The following IER5L variants were observed in gnomAD, a reference collection of about 807,000 sequenced individuals.
The protein encoded by IER5L is immediate early response gene 5-like protein.
IER5L carries 6 observed loss-of-function variants against 28.3 expected under a neutral mutation model. That is an observed-to-expected ratio of 0.21 (90% CI 0.12 to 0.42). The LOEUF (loss-of-function observed/expected upper bound fraction) is 0.42. Ranked by LOEUF, IER5L falls within the 10% of genes least tolerant of loss-of-function variation. The pLI, the probability that IER5L is intolerant of heterozygous loss-of-function variation, is 1.00. For missense variants in IER5L, 607 were observed against 575.2 expected, an observed-to-expected ratio of 1.06 and a Z score of -0.56; for synonymous variants, 351 against 282.5, an observed-to-expected ratio of 1.24 and a Z score of -2.43.
In IER5L at chr9:129,177,713, G is replaced by C. The variant is rs1218289885; in HGVS notation, c.340C>G (p.Leu114Val). 3 of 1,436,372 alleles carry C rather than the reference G, an allele frequency of 2.1e-6. No homozygotes were observed. Among genetic ancestry groups the C allele is most frequent in the Non-Finnish European group, 2.7e-6 (3 of 1,099,126 alleles). 89.0% of individuals were successfully genotyped at this position (1,436,372 alleles called of 1,614,324 possible). A position where few individuals can be genotyped will look rare whatever the true frequency, so the allele number is the denominator to read the frequency against. ...EPAARHQLHQ[L>V]HQLHQLHLQQ... ...AGGTGCAGCTGGTGGAGCTGGTGGA[G>C]CTGGTGCAGCTGGTGCCGGGCGGCC... Residue 114 changes from leucine (L) to valine (V), a missense_variant, in exon 1 of 1, where the codon CTC becomes GTC. By Grantham distance (32) the Leu-to-Val change is conservative. Coordinates refer to ENST00000372491, the MANE Select transcript of IER5L (RefSeq NM_203434.3).
At position 129,176,757 on chromosome 9, in the gene IER5L, T is replaced by TG. The variant is rs1829409091; in HGVS notation, c.*80_*81insC. 1 of 1,387,156 alleles carries TG rather than the reference T, an allele frequency of 7.2e-7. No individual in the cohort carries two copies. Among genetic ancestry groups the TG allele is most frequent in the Non-Finnish European group, 9.3e-7 (1 of 1,072,982 alleles). The allele number at this position is 1,387,156 out of a possible 1,614,324, so 85.9% of individuals were successfully genotyped here. ...CCCCGAGTGGCCCGGCGCCCGCTCG[T>TG]TCCCTCCTCTCGCCCCTTTGCCGAG... On this transcript the variant is annotated 3_prime_UTR_variant, in exon 1 of 1. Transcript: ENST00000372491.
Position 129,177,656 on chromosome 9 carries a change from C to CCGGGTG in IER5L, c.391_396dup (p.His131_Pro132dup). 7.7e-7 allele frequency: 1 copy of CCGGGTG among 1,304,122 alleles called. No individual in the cohort carries two copies. Among genetic ancestry groups the CCGGGTG allele is most frequent in the Non-Finnish European group, 9.7e-7 (1 of 1,028,716 alleles). 80.8% of individuals were successfully genotyped at this position (1,304,122 alleles called of 1,614,324 possible). A position where few individuals can be genotyped will look rare whatever the true frequency, so the allele number is the denominator to read the frequency against. ...GCCGCCGCCGCGCAGCCCCTGGGCGCCGGGTGCTGGTGCTGGTGCAGCTGC... is the reference window on the plus strand; with the variant it reads ...GCCGCCGCCGCGCAGCCCCTGGGCGCCGGGTGCGGGTGCTGGTGCTGGTGCAGCTGC... On this transcript the variant is annotated inframe_insertion, in exon 1 of 1. Coordinates refer to ENST00000372491, the MANE Select transcript of IER5L (RefSeq NM_203434.3).
Position 129,176,617 on chromosome 9 carries a change from T to TAG in IER5L, c.*220_*221insCT, listed in dbSNP as rs1829401103. ...GAGTAGGAGAAACACAAAGCATACT[T>TAG]AAATAGGCGCTTTTTCTCTCTGCAA... On this transcript the variant is annotated 3_prime_UTR_variant, in exon 1 of 1. Transcript: ENST00000372491. The TAG allele has an allele frequency of 1.1e-5, 6 of 535,896 alleles. No homozygotes were observed. 33.2% of individuals were successfully genotyped at this position (535,896 alleles called of 1,614,324 possible).
chr9:129,176,909 T>C lies in IER5L; in HGVS notation c.1144A>G (p.Asn382Asp). ...GCCTGCTTGGCGCACAGCTGCCCGT[T>C]GAGCGGCGGCGGCTGCTCCGAGGAG... ...PDSSEQPPPL[N>D]GQLCAKQALA... The change falls in exon 1 of 1, where the codon AAC (asparagine) becomes GAC (aspartate). Residue 382 changes from asparagine (N) to aspartate (D), a missense_variant. Asn to Asp is a conservative substitution (Grantham distance 23). Transcript: ENST00000372491. The C allele has an allele frequency of 6.2e-7, 1 of 1,605,246 alleles. No homozygotes were observed. The highest frequency in any genetic ancestry group is 8.5e-7 in the Non-Finnish European group (1 of 1,177,020).
rs1291952878 is a variant in IER5L, at chr9:129,177,693, C to G, written c.360G>C (p.Leu120=). Reference sequence around the variant, plus strand: ...GCTGGTGCAGCTGCTGCTGGAGGTGCAGCTGGTGGAGCTGGTGGAGCTGGT... The same window carrying G: ...GCTGGTGCAGCTGCTGCTGGAGGTGGAGCTGGTGGAGCTGGTGGAGCTGGT... ...QLHQLHQLHQ[L]HLQQQLHQHQ... is the part of the protein sequence containing the mutation. The change falls in exon 1 of 1, where the codon CTG becomes CTC. Residue 120 remains leucine, a synonymous_variant. Transcript: ENST00000372491. 7 of 1,421,270 alleles carry G rather than the reference C, an allele frequency of 4.9e-6. No homozygotes were observed. The African/African-American group carries it at 9.0e-5, about 18-fold the overall frequency. The allele number at this position is 1,421,270 out of a possible 1,614,324, so 88.0% of individuals were successfully genotyped here. A position where few individuals can be genotyped will look rare whatever the true frequency, so the allele number is the denominator to read the frequency against.
Position 129,176,759 on chromosome 9 carries a change from C to A in IER5L, c.*79G>T, listed in dbSNP as rs1256130303. ...CCGAGTGGCCCGGCGCCCGCTCGTT[C>A]CCTCCTCTCGCCCCTTTGCCGAGTC... On this transcript the variant is annotated 3_prime_UTR_variant, in exon 1 of 1. Transcript: ENST00000372491. The A allele has an allele frequency of 7.2e-7, 1 of 1,390,708 alleles. No individual in the cohort carries two copies. The highest frequency in any genetic ancestry group is 9.3e-7 in the Non-Finnish European group (1 of 1,074,776). The allele number at this position is 1,390,708 out of a possible 1,614,324, so 86.1% of individuals were successfully genotyped here. A position where few individuals can be genotyped will look rare whatever the true frequency, so the allele number is the denominator to read the frequency against.
rs752476324 is a variant in IER5L, at chr9:129,177,221, C to CGCA, written c.829_831dup (p.Cys277dup). ...CCACAGCAGGGGCAGTGGGCGGAGG[C>CGCA]GCAGCAGTCCTGGTGCAAGTAGCCG... On this transcript the variant is annotated inframe_insertion, in exon 1 of 1. Transcript: ENST00000372491. The CGCA allele has an allele frequency of 6.8e-6, 10 of 1,469,578 alleles. No individual in the cohort carries two copies. The allele number at this position is 1,469,578 out of a possible 1,614,324, so 91.0% of individuals were successfully genotyped here.
In IER5L at chr9:129,176,472, GGCCAGGGCGCCCTGCCTCGCCCCCGGCT is replaced by G. The variant is rs966585587; in HGVS notation, c.*338_*365del. 6.5e-6 allele frequency: 1 copy of G among 152,904 alleles called. No individual in the cohort carries two copies. Among genetic ancestry groups the G allele is most frequent in the African/African-American group, 2.4e-5 (1 of 41,136 alleles). 9.5% of individuals were successfully genotyped at this position (152,904 alleles called of 1,614,324 possible). On this transcript the variant is annotated 3_prime_UTR_variant, in exon 1 of 1. Transcript: ENST00000372491. ...AGCTGCGCCCCCGGCGCGCCCCGGC[GGCCAGGGCGCCCTGCCTCGCCCCCGGCT>G]GCCCGGCACCTCCTCCGGGCAGCAG...
chr9:129,177,532 G>A lies in IER5L; in HGVS notation c.521C>T (p.Pro174Leu), dbSNP rs1829431281. Reference protein sequence around the residue: ...PPHGAPHRGQPLEPLQPGPAP... With the variant: ...PPHGAPHRGQLLEPLQPGPAP... Reference sequence around the variant, plus strand: ...AGGACCCGGCTGCAGAGGCTCCAAGGGCTGCCCGCGGTGGGGCGCGCCGTG... The same window carrying A: ...AGGACCCGGCTGCAGAGGCTCCAAGAGCTGCCCGCGGTGGGGCGCGCCGTG... Residue 174 changes from proline (P) to leucine (L), a missense_variant, in exon 1 of 1, where the codon CCC becomes CTC. Coordinates refer to ENST00000372491, the MANE Select transcript of IER5L (RefSeq NM_203434.3). 1.0e-5 allele frequency: 10 copies of A among 983,564 alleles called. No homozygotes were observed. The highest frequency in any genetic ancestry group is 1.2e-5 in the Non-Finnish European group (10 of 830,194). The allele number at this position is 983,564 out of a possible 1,614,324, so 60.9% of individuals were successfully genotyped here.
In IER5L at chr9:129,175,789, G is replaced by A. The variant is rs1375251517; in HGVS notation, c.*1049C>T. The A allele has an allele frequency of 6.6e-6, 1 of 152,094 alleles. No homozygotes were observed. Among genetic ancestry groups the A allele is most frequent in the Non-Finnish European group, 1.5e-5 (1 of 68,038 alleles). The allele number at this position is 152,094 out of a possible 1,614,324, so 9.4% of individuals were successfully genotyped here. On this transcript the variant is annotated 3_prime_UTR_variant, in exon 1 of 1. Coordinates refer to ENST00000372491, the MANE Select transcript of IER5L (RefSeq NM_203434.3). The surrounding 1 kb of genome is among the most constrained non-coding windows in gnomAD (Gnocchi z 5.2). ...CTTTTAAATTAAACAAATCTATCGA[G>A]CTGAAGACACAGGACGGGGTTCTCA... is the stretch of plus-strand genomic sequence containing the variant.
At position 129,176,800 on chromosome 9, in the gene IER5L, CCCCGCGGGGCCCCGGGTCCCTGT is replaced by C; in HGVS notation, c.*15_*37del. 1 of 1,485,258 alleles carries C rather than the reference CCCCGCGGGGCCCCGGGTCCCTGT, an allele frequency of 6.7e-7. No individual in the cohort carries two copies. Among genetic ancestry groups the C allele is most frequent in the Non-Finnish European group, 8.9e-7 (1 of 1,122,844 alleles). 92.0% of individuals were successfully genotyped at this position (1,485,258 alleles called of 1,614,324 possible). On this transcript the variant is annotated 3_prime_UTR_variant, in exon 1 of 1. Transcript: ENST00000372491. The stretch of plus-strand genomic sequence containing the variant: ...TTGCCGAGTCTTTGTCTGGCCCCAG[CCCCGCGGGGCCCCGGGTCCCTGT>C]GCCCTCGGGGGTCCCTAGAAGGCGA...
Position 129,176,752 on chromosome 9 carries a change from G to A in IER5L, c.*86C>T, listed in dbSNP as rs1422571660. The A allele has an allele frequency of 1.1e-5, 15 of 1,379,258 alleles. No individual in the cohort carries two copies. The highest frequency in any genetic ancestry group is 1.3e-5 in the Non-Finnish European group (14 of 1,069,030). The allele number at this position is 1,379,258 out of a possible 1,614,324, so 85.4% of individuals were successfully genotyped here. On this transcript the variant is annotated 3_prime_UTR_variant, in exon 1 of 1. Coordinates refer to ENST00000372491, the MANE Select transcript of IER5L (RefSeq NM_203434.3). The stretch of plus-strand genomic sequence containing the variant: ...CTCAGCCCCGAGTGGCCCGGCGCCC[G>A]CTCGTTCCCTCCTCTCGCCCCTTTG...
At position 129,177,104 on chromosome 9, in the gene IER5L, C is replaced by G; in HGVS notation, c.949G>C (p.Asp317His). 6.9e-7 allele frequency: 1 copy of G among 1,459,854 alleles called. No homozygotes were observed. Among genetic ancestry groups the G allele is most frequent in the East Asian group, 2.7e-5 (1 of 37,286 alleles). The allele number at this position is 1,459,854 out of a possible 1,614,324, so 90.4% of individuals were successfully genotyped here. ...GGCTCGGCCCCCAGCCCGCCCGCATCCTCCTCGTCGTCTTCCTCCTCCTCC... is the reference window on the plus strand; with the variant it reads ...GGCTCGGCCCCCAGCCCGCCCGCATGCTCCTCGTCGTCTTCCTCCTCCTCC... ...GQEEEEDDEE[D>H]AGGLGAEPPG... is the part of the protein sequence containing the mutation. Residue 317 changes from aspartate to histidine, a missense_variant, in exon 1 of 1, where the codon GAT becomes CAT. Coordinates refer to ENST00000372491, the MANE Select transcript of IER5L (RefSeq NM_203434.3).
chr9:129,177,559 G>C lies in IER5L; in HGVS notation c.494C>G (p.Pro165Arg). ...ELPGCAALQPPHGAPHRGQPL... is the reference protein window; with the variant it reads ...ELPGCAALQPRHGAPHRGQPL... ...CTGCCCGCGGTGGGGCGCGCCGTGC[G>C]GCGGCTGGAGCGCGGCGCACCCGGG... Residue 165 changes from proline (P) to arginine (R), a missense_variant, in exon 1 of 1, where the codon CCG (proline) becomes CGG (arginine). By Grantham distance (103) the Pro-to-Arg change is moderately radical. Transcript: ENST00000372491. The C allele has an allele frequency of 1.0e-6, 1 of 981,398 alleles. No individual in the cohort carries two copies. The highest frequency in any genetic ancestry group is 1.2e-6 in the Non-Finnish European group (1 of 828,666). The allele number at this position is 981,398 out of a possible 1,614,324, so 60.8% of individuals were successfully genotyped here.
At position 129,178,035 on chromosome 9, in the gene IER5L, G is replaced by A. The variant is rs1829441896; in HGVS notation, c.18C>T (p.Asp6=). 10 of 1,511,914 alleles carry A rather than the reference G, an allele frequency of 6.6e-6. No homozygotes were observed. Among genetic ancestry groups the A allele is most frequent in the Non-Finnish European group, 8.0e-6 (9 of 1,128,104 alleles). 93.7% of individuals were successfully genotyped at this position (1,511,914 alleles called of 1,614,324 possible). A position where few individuals can be genotyped will look rare whatever the true frequency, so the allele number is the denominator to read the frequency against. The change falls in exon 1 of 1, where the codon GAC becomes GAT. Residue 6 remains aspartate, a synonymous_variant. Transcript: ENST00000372491. MECAL[D]AQSLISISLR... ...GGGAGATGCTGATCAGGCTCTGGGC[G>A]TCCAGGGCGCACTCCATGCTCCCGC...
rs1269799781 is a variant in IER5L at position 129,178,185 on chromosome 9, C to T, written c.-133G>A. 9.5e-6 allele frequency: 7 copies of T among 736,538 alleles called. No individual in the cohort carries two copies. Among genetic ancestry groups the T allele is most frequent in the Non-Finnish European group, 9.5e-6 (5 of 523,632 alleles). 45.6% of individuals were successfully genotyped at this position (736,538 alleles called of 1,614,324 possible). On this transcript the variant is annotated 5_prime_UTR_variant, in exon 1 of 1. Transcript: ENST00000372491. ...AGTCCGGGTCAGAGGTTCGGCTGCG[C>T]TCCGAAAGGAGCCGCCACCATGCGC...
chr9:129,177,512 C>T lies in IER5L; in HGVS notation c.541G>A (p.Gly181Ser), dbSNP rs1829430920. The change falls in exon 1 of 1, where the codon GGT (glycine) becomes AGT (serine). Residue 181 changes from glycine to serine, a missense_variant. Transcript: ENST00000372491. Reference sequence around the variant, plus strand: ...AGCGGCAGCGGCAGCGGCGCAGGACCCGGCTGCAGAGGCTCCAAGGGCTGC... The same window carrying T: ...AGCGGCAGCGGCAGCGGCGCAGGACTCGGCTGCAGAGGCTCCAAGGGCTGC... Reference protein sequence around the residue: ...RGQPLEPLQPGPAPLPLPLPP... With the variant: ...RGQPLEPLQPSPAPLPLPLPP... 3 of 989,450 alleles carry T rather than the reference C, an allele frequency of 3.0e-6. No homozygotes were observed. The highest frequency in any genetic ancestry group is 1.8e-5 in the African/African-American group (1 of 56,776). The allele number at this position is 989,450 out of a possible 1,614,324, so 61.3% of individuals were successfully genotyped here. A position where few individuals can be genotyped will look rare whatever the true frequency, so the allele number is the denominator to read the frequency against.
chr9:129,177,630 C>T lies in IER5L; in HGVS notation c.423G>A (p.Ala141=). 1 of 1,169,618 alleles carries T rather than the reference C, an allele frequency of 8.5e-7. No individual in the cohort carries two copies. Among genetic ancestry groups the T allele is most frequent in the Non-Finnish European group, 1.0e-6 (1 of 954,060 alleles). 72.5% of individuals were successfully genotyped at this position (1,169,618 alleles called of 1,614,324 possible). The change falls in exon 1 of 1, where the codon GCG becomes GCA. Residue 141 remains alanine (A), a synonymous_variant. Coordinates refer to ENST00000372491, the MANE Select transcript of IER5L (RefSeq NM_203434.3). ...CGCCGCCCGCGGGCGCTCCGGCCGC[C>T]GCCGCCGCCGCGCAGCCCCTGGGCG... ...HPAPRGCAAA[A]AAGAPAGGAG... is the part of the protein sequence containing the mutation.
At position 129,177,418 on chromosome 9, in the gene IER5L, GGGGGCGCGGAGCAGGCGGCC is replaced by G; in HGVS notation, c.615_634del (p.Ala206ArgfsTer230). 1 of 1,224,506 alleles carries G rather than the reference GGGGGCGCGGAGCAGGCGGCC, an allele frequency of 8.2e-7. No homozygotes were observed. 75.9% of individuals were successfully genotyped at this position (1,224,506 alleles called of 1,614,324 possible). A position where few individuals can be genotyped will look rare whatever the true frequency, so the allele number is the denominator to read the frequency against. On this transcript the variant is annotated frameshift_variant, in exon 1 of 1. Coordinates refer to ENST00000372491, the MANE Select transcript of IER5L (RefSeq NM_203434.3). LOFTEE classifies it high-confidence loss of function. ...GGCGGCGGCCGGAGGGGCGGCCCCTGGGGGCGCGGAGCAGGCGGCCGGGGCGCGAGGGTCCCGCGGGCAGA... is the reference window on the plus strand; with the variant it reads ...GGCGGCGGCCGGAGGGGCGGCCCCTGGGGGCGCGAGGGTCCCGCGGGCAGA...
Sources: allele counts gnomAD v4.1 joint callset, GRCh38; gene constraint gnomAD v4.1.1; non-coding constraint Gnocchi (gnomAD v3.1); transcripts MANE v1.5; gene names NCBI Gene and HGNC (gene_info 2026-07-23, HGNC 2026-07-21).